IL1RAPL2: variants seen among roughly 807,000 people sequenced by gnomAD.
IL1RAPL2 encodes interleukin 1 receptor accessory protein like 2, also known as X-linked interleukin-1 receptor accessory protein-like 2.
Under a neutral mutation model 44.1 loss-of-function variants are expected in IL1RAPL2, and 3 were observed. That is an observed-to-expected ratio of 0.07 (90% CI 0.03 to 0.18). The LOEUF is 0.18. IL1RAPL2 is among the 10% of genes least tolerant of loss of function. The pLI, the probability that IL1RAPL2 is intolerant of heterozygous loss-of-function variation, is 1.00. For missense variants in IL1RAPL2, 391 were observed against 496.4 expected, an observed-to-expected ratio of 0.79 and a Z score of 2.02; for synonymous variants, 181 against 178.8, an observed-to-expected ratio of 1.01 and a Z score of -0.10.
chrX:105,377,102 T>C (rs963536027), intron 5 of IL1RAPL2, among the ~76,000 whole-genome samples: 2 of 111,795 alleles, frequency 1.8e-5, no homozygotes, highest in East Asian at 5.6e-4. Flanking sequence ...CAAATTTCTA[T>C]AGTTACACAA....
At chrX:105,303,052 C>T (rs1368925535) in intron 5 of IL1RAPL2, among the ~76,000 whole-genome samples, 3 of 111,633 alleles carry the variant, frequency 2.7e-5, no homozygotes, top group Non-Finnish European at 3.8e-5. Flanking sequence ...TCCACAATCA[C>T]TGCACTCTCC....
intron 2 of IL1RAPL2, among the ~76,000 whole-genome samples, chrX:104,701,768 A>G (rs1323804351): frequency 1.8e-5 from 2 of 111,706 alleles, no homozygotes; most frequent in East Asian, 5.6e-4. Context: ...TTCTTAGTAC[A>G]GGTTATTTAT....
At chrX:104,789,426 T>C (rs1932814922) in intron 2 of IL1RAPL2, among the ~76,000 whole-genome samples, 1 of 111,707 alleles carries the variant, frequency 9.0e-6, no homozygotes, top group South Asian at 3.7e-4. Flanking sequence ...AATCTGACTC[T>C]GCTTGATGTG....
At chrX:105,565,926 C>T (rs756116853) in intron 6 of IL1RAPL2, among the ~76,000 whole-genome samples, 2 of 111,344 alleles carry the variant, frequency 1.8e-5, no homozygotes, top group East Asian at 2.8e-4. Context: ...GAACATGTTC[C>T]ATGAGTTAAG....
At chrX:105,380,464 C>G (rs140989064) in intron 5 of IL1RAPL2, among the ~76,000 whole-genome samples, 1 of 110,254 alleles carries the variant, frequency 9.1e-6, no homozygotes, top group African/African-American at 3.3e-5. Context: ...GAGGATATGA[C>G]GTGTTTTTCT....
intron 6 of IL1RAPL2, among the ~76,000 whole-genome samples, chrX:105,497,952 T>C (rs1390138225): frequency 8.9e-6 from 1 of 112,192 alleles, no homozygotes; most frequent in Non-Finnish European, 1.9e-5. Flanking sequence ...AACATCATAT[T>C]TGATGATGAA....
chrX:105,673,171 T>A (rs2037839117), intron 6 of IL1RAPL2, among the ~76,000 whole-genome samples: 1 of 111,801 alleles, frequency 8.9e-6, no homozygotes, highest in Non-Finnish European at 1.9e-5. Flanking sequence ...ATTTCTATTT[T>A]TAGTTTTAGT....
At chrX:104,841,605 ATTTGCTTG>A (rs750657909) in intron 2 of IL1RAPL2, among the ~76,000 whole-genome samples, 2 of 111,766 alleles carry the variant, frequency 1.8e-5, no homozygotes, top group East Asian at 5.6e-4. Flanking sequence ...ATCCCTCAGC[ATTTGCTTG>A]TCTGTAAAGG....
At chrX:105,212,332 G>A (rs2033814442) in intron 3 of IL1RAPL2, among the ~76,000 whole-genome samples, 1 of 112,081 alleles carries the variant, frequency 8.9e-6, no homozygotes, top group South Asian at 3.8e-4. Context: ...CCCTGACAGT[G>A]CTAAGGAGGC....
chrX:105,562,263 T>A (rs1048515820), intron 6 of IL1RAPL2, among the ~76,000 whole-genome samples: 3 of 111,731 alleles, frequency 2.7e-5, no homozygotes, highest in African/African-American at 9.8e-5. Flanking sequence ...AAAATGCTGT[T>A]GCAGAGCATG....
intron 6 of IL1RAPL2, among the ~76,000 whole-genome samples, chrX:105,689,025 G>A (rs901604460): frequency 2.7e-5 from 3 of 111,902 alleles, no homozygotes; most frequent in African/African-American, 9.7e-5. Flanking sequence ...GTCATATGTA[G>A]AAAGCTGAAA....
At chrX:104,665,391 A>AT (rs1473279906) in intron 2 of IL1RAPL2, among the ~76,000 whole-genome samples, 2 of 109,688 alleles carry the variant, frequency 1.8e-5, no homozygotes, top group African/African-American at 3.3e-5. Flanking sequence ...TTGGTTCTTG[A>AT]TTTTTTCACT....
In IL1RAPL2 at chrX:105,019,900, G is replaced by A. The variant is rs759881693; in HGVS notation, c.83-175575G>A. Reference sequence around the variant, plus strand: ...AGAGACCCTGGAGATCAGGGGAAAGGTCCCAGATTTTGGAGCCAAAGAAAC... The same window carrying A: ...AGAGACCCTGGAGATCAGGGGAAAGATCCCAGATTTTGGAGCCAAAGAAAC... On this transcript the variant is annotated intron_variant, in intron 2 of 10. Transcript: ENST00000372582. Among the ~76,000 whole-genome samples the A allele has an allele frequency of 7.2e-5, 8 of 111,400 alleles. No individual in the cohort carries two copies. The South Asian group carries it at 2.6e-3, about 36-fold the overall frequency.
At chrX:104,619,712 G>T (rs993626248) in intron 1 of IL1RAPL2, among the ~76,000 whole-genome samples, 6 of 112,284 alleles carry the variant, frequency 5.3e-5, no homozygotes, top group Admixed American at 2.8e-4. Context: ...ATATGGCATT[G>T]CAAATAAGCA....
At chrX:104,814,636 T>G (rs1280300155) in intron 2 of IL1RAPL2, among the ~76,000 whole-genome samples, 2 of 112,096 alleles carry the variant, frequency 1.8e-5, no homozygotes, top group Non-Finnish European at 3.8e-5. Flanking sequence ...CAGTAGAATT[T>G]TTGACAATGA....
At chrX:105,064,938 A>G (rs766412189) in intron 2 of IL1RAPL2, among the ~76,000 whole-genome samples, 1 of 112,077 alleles carries the variant, frequency 8.9e-6, no homozygotes, top group Non-Finnish European at 1.9e-5. Flanking sequence ...GGGCAGGATC[A>G]AGATCGGTTC....
chrX:104,872,688 C>A lies in IL1RAPL2; in HGVS notation c.82+213693C>A, dbSNP rs746913290. ...TAGGTCACCTGAGAGTGACTAGAACCTTTGAGTTGTAGAAACTACAGCCAA... is the reference window on the plus strand; with the variant it reads ...TAGGTCACCTGAGAGTGACTAGAACATTTGAGTTGTAGAAACTACAGCCAA... On this transcript the variant is annotated intron_variant, in intron 2 of 10. Transcript: ENST00000372582. Among the ~76,000 whole-genome samples the A allele has an allele frequency of 1.4e-3, 160 of 111,443 alleles. 1 individual carries two copies. Among genetic ancestry groups the A allele is most frequent in the African/African-American group, 4.8e-3 (149 of 30,756 alleles).
At chrX:105,629,870 T>C (rs904282772) in intron 6 of IL1RAPL2, among the ~76,000 whole-genome samples, 3 of 111,725 alleles carry the variant, frequency 2.7e-5, no homozygotes, top group African/African-American at 9.7e-5. Context: ...AAATTAGATG[T>C]GCCTTATAAA....
intron 7 of IL1RAPL2, among the ~76,000 whole-genome samples, chrX:105,720,725 A>G (rs764286928): frequency 5.4e-5 from 6 of 110,852 alleles, no homozygotes; most frequent in Non-Finnish European, 9.4e-5. Flanking sequence ...ATAGCTAGAC[A>G]TGGTGTGCTT....
Sources: allele counts gnomAD v4.1 joint callset (sites outside exome capture counted in the v4.1 genomes callset), GRCh38; gene constraint gnomAD v4.1.1; transcripts MANE v1.5; gene names NCBI Gene and HGNC (gene_info 2026-07-23, HGNC 2026-07-21).